Variants in STPG2 observed in about 807,000 individuals in gnomAD.
The protein encoded by STPG2 is sperm tail PG-rich repeat containing 2.
Under a neutral mutation model 54.2 loss-of-function variants are expected in STPG2, and 56 were observed. The observed-to-expected ratio is 1.03, with a 90% CI of 0.83 to 1.29. The LOEUF (loss-of-function observed/expected upper bound fraction) is 1.29. Among genes scored for constraint, STPG2 ranks in the 50% most tolerant of loss-of-function variants. The probability of loss-of-function intolerance (pLI) is 0.00; values close to 1 mark genes in which losing one functional copy is unlikely to be tolerated. For missense variants in STPG2, 596 were observed against 544.9 expected, an observed-to-expected ratio of 1.09 and a Z score of -0.93; for synonymous variants, 200 against 181.8, an observed-to-expected ratio of 1.10 and a Z score of -0.81.
chr4:97,778,281 C>T (rs1027354424), intron 9 of STPG2, among the ~76,000 whole-genome samples: 3 of 151,790 alleles, frequency 2.0e-5, no homozygotes, highest in Admixed American at 6.6e-5. Context: ...ATGCCTGGCT[C>T]GGAGGGTCCC....
In STPG2 at chr4:98,143,113, T is replaced by G; in HGVS notation, c.38A>C (p.Glu13Ala). 6.2e-7 allele frequency: 1 copy of G among 1,613,970 alleles called. No homozygotes were observed. Among genetic ancestry groups the G allele is most frequent in the Non-Finnish European group, 8.5e-7 (1 of 1,179,966 alleles). ...DRAPRLLKLA[E>A]GGSTEAHVGP... is the part of the protein sequence containing the mutation. ...CACATGGGCCTCAGTGCTGCCACCT[T>G]CAGCCAATTTGAGCAGGCGGGGAGC... Residue 13 changes from glutamate (E) to alanine (A), a missense_variant, in exon 1 of 11, where the codon GAA becomes GCA. Coordinates refer to ENST00000295268, the MANE Select transcript of STPG2 (RefSeq NM_174952.3).
intron 4 of STPG2, among the ~76,000 whole-genome samples, chr4:97,471,203 T>C (rs1202079311): frequency 6.6e-6 from 1 of 152,140 alleles, no homozygotes; most frequent in African/African-American, 2.4e-5. Flanking sequence ...ACAGTTTACT[T>C]TGGGTAAGTA....
intron 9 of STPG2, among the ~76,000 whole-genome samples, chr4:97,836,488 A>C (rs1728637007): frequency 6.6e-6 from 1 of 151,930 alleles, no homozygotes; most frequent in East Asian, 1.9e-4. Flanking sequence ...ATGTACTGGG[A>C]AATCAAAAAA....
chr4:97,637,067 G>C (rs1721570607), intron 10 of STPG2, among the ~76,000 whole-genome samples: 1 of 152,200 alleles, frequency 6.6e-6, no homozygotes, highest in Non-Finnish European at 1.5e-5. Flanking sequence ...CAATATCCTT[G>C]ATGAACATTG....
intron 8 of STPG2, among the ~76,000 whole-genome samples, chr4:97,891,558 A>C (rs1458321506): frequency 6.6e-6 from 1 of 152,100 alleles, no homozygotes; most frequent in Non-Finnish European, 1.5e-5. Flanking sequence ...ATTTTATGAA[A>C]ATTATAAACG....
intron 8 of STPG2, among the ~76,000 whole-genome samples, chr4:97,845,968 A>T (rs1199931922): frequency 6.6e-6 from 1 of 152,182 alleles, no homozygotes; most frequent in Non-Finnish European, 1.5e-5. Flanking sequence ...ATAGTACAGC[A>T]TGACTATGAG....
chr4:97,846,581 T>G (rs1318092727), intron 8 of STPG2, among the ~76,000 whole-genome samples: 1 of 132,548 alleles, frequency 7.5e-6, no homozygotes, highest in African/African-American at 2.9e-5. Context: ...GCCGAGACGG[T>G]GCCACTGCAC....
At chr4:97,448,406 A>T (rs1454098148) in intron 4 of STPG2, among the ~76,000 whole-genome samples, 1 of 152,140 alleles carries the variant, frequency 6.6e-6, no homozygotes, top group Non-Finnish European at 1.5e-5. Context: ...CCGAAATCTC[A>T]TCTCAAATTG....
chr4:97,717,180 A>C (rs1724315712), intron 9 of STPG2, among the ~76,000 whole-genome samples: 1 of 152,272 alleles, frequency 6.6e-6, no homozygotes, highest in South Asian at 2.1e-4. Context: ...GCTATAGGTA[A>C]GAGAAAAAAG....
intron 4 of STPG2, among the ~76,000 whole-genome samples, chr4:97,542,625 TA>T (rs1731740722): frequency 6.6e-6 from 1 of 152,192 alleles, no homozygotes; most frequent in South Asian, 2.1e-4. Context: ...ACTGGGTATA[TA>T]TCCAAAGCAA....
chr4:97,472,179 C>T (rs548102256), intron 4 of STPG2, among the ~76,000 whole-genome samples: 290 of 152,220 alleles, frequency 1.9e-3, no homozygotes, highest in Non-Finnish European at 3.1e-3. Flanking sequence ...TAAATAGAAA[C>T]AGAGAACCAC....
chr4:97,598,319 G>A (rs1353160385), intron 10 of STPG2, among the ~76,000 whole-genome samples: 1 of 151,978 alleles, frequency 6.6e-6, no homozygotes, highest in Non-Finnish European at 1.5e-5. Context: ...GCCCAAAGCA[G>A]TTTATAGATT....
intron 4 of STPG2, among the ~76,000 whole-genome samples, chr4:97,550,003 A>G (rs1172101048): frequency 1.3e-5 from 2 of 152,206 alleles, no homozygotes; most frequent in South Asian, 2.1e-4. Flanking sequence ...TATTCTGAAT[A>G]AAATAATAAA....
At chr4:97,628,559 T>C (rs1721123882) in intron 10 of STPG2, among the ~76,000 whole-genome samples, 2 of 152,314 alleles carry the variant, frequency 1.3e-5, no homozygotes, top group African/African-American at 4.8e-5. Flanking sequence ...GTTTATTTTA[T>C]CACTGTGCTT....
Position 97,855,519 on chromosome 4 carries a change from G to GT in STPG2, c.1045-14588dup, listed in dbSNP as rs560190679. Among the ~76,000 whole-genome samples the GT allele has an allele frequency of 4.7e-4, 71 of 150,694 alleles. 1 individual carries two copies. Among genetic ancestry groups the GT allele is most frequent in the Admixed American group, 8.6e-4 (13 of 15,088 alleles). ...CCTTCGCCTACTTTTTAATAAGGTT[G>GT]TTTTTTTTTCTTGTAAATTTAAGTT... On this transcript the variant is annotated intron_variant, in intron 8 of 10. Transcript: ENST00000295268.
chr4:97,655,879 A>G (rs1722206710), intron 10 of STPG2, among the ~76,000 whole-genome samples: 2 of 152,154 alleles, frequency 1.3e-5, no homozygotes, highest in African/African-American at 4.8e-5. Flanking sequence ...GTAGTGATAC[A>G]AAGCTAGAAC....
chr4:97,684,146 GC>G, intron 10 of STPG2, among the ~76,000 whole-genome samples: 1 of 151,854 alleles, frequency 6.6e-6, no homozygotes, highest in African/African-American at 2.4e-5. Flanking sequence ...GAGTAAAAAC[GC>G]TTTATTAAGA....
At chr4:97,716,411 C>T (rs1724290017) in intron 9 of STPG2, among the ~76,000 whole-genome samples, 1 of 152,066 alleles carries the variant, frequency 6.6e-6, no homozygotes, top group Non-Finnish European at 1.5e-5. Flanking sequence ...ATGTTTATTG[C>T]AGCACTGTTC....
chr4:97,579,746 A>G (rs2148889916), intron 10 of STPG2, among the ~76,000 whole-genome samples: 2 of 152,156 alleles, frequency 1.3e-5, no homozygotes, highest in South Asian at 4.1e-4. Flanking sequence ...TCTGGTCTCC[A>G]ATAATGGAGC....
Sources: gnomAD v4.1 joint callset for allele counts (sites outside exome capture counted in the v4.1 genomes callset) on GRCh38, gnomAD v4.1.1 for gene constraint, MANE v1.5 for transcripts, NCBI Gene and HGNC (gene_info 2026-07-23, HGNC 2026-07-21) for gene names.